The following ZNF469 variants were observed in gnomAD, a reference collection of about 807,000 sequenced individuals.
ZNF469 encodes the protein zinc finger protein 469.
In ZNF469, 1 loss-of-function variant was observed where a neutral mutation model predicts 1.0. The ratio of observed to expected loss-of-function variants is 1.00; its 90% confidence interval spans 0.35 to 4.73. The LOEUF (loss-of-function observed/expected upper bound fraction) is 4.73. Ranked by LOEUF, ZNF469 falls within the 30% of genes most tolerant of loss-of-function variation. The pLI, the probability that ZNF469 is intolerant of heterozygous loss-of-function variation, is 0.16. For missense variants in ZNF469, 6,100 were observed against 5,356.3 expected (o/e 1.14, Z -4.33); for synonymous variants, 2,703 against 2,363.4 (o/e 1.14, Z -4.17).
chr16:88,311,281 G>C, the ZNF469 span, among the ~76,000 whole-genome samples: 1 of 152,172 alleles, frequency 6.6e-6, no homozygotes, highest in African/African-American at 2.4e-5. Context: ...CCTGGCTGAG[G>C]CCTCACTCTT....
In ZNF469 at chr16:88,436,683, C is replaced by T. The variant is rs267604675; in HGVS notation, c.9213C>T (p.Pro3071=). Residue 3071 remains proline, a synonymous_variant, in exon 3 of 3, where the codon CCC becomes CCT. Coordinates refer to ENST00000565624, the MANE Select transcript of ZNF469 (RefSeq NM_001367624.2). ...CCTTTGAAGACCCCGTGGGTCTCCC[C>T]GGCCCCAGCTTCTTAGACTTCGAGG... ...LGPFEDPVGL[P]GPSFLDFEGT... 31 of 1,550,098 alleles carry T rather than the reference C, an allele frequency of 2.0e-5. No individual in the cohort carries two copies. The highest frequency in any genetic ancestry group is 9.6e-5 in the African/African-American group (7 of 73,064).
At chr16:88,387,625 A>G (rs1417736909) in intron 1 of ZNF469, among the ~76,000 whole-genome samples, 3 of 152,102 alleles carry the variant, frequency 2.0e-5, no homozygotes, top group Admixed American at 2.0e-4. Flanking sequence ...TGAGAATCAC[A>G]CTGTTGCTGA....
chr16:88,291,920 G>T, the ZNF469 span, among the ~76,000 whole-genome samples: 4 of 152,286 alleles, frequency 2.6e-5, no homozygotes, highest in African/African-American at 9.6e-5. Flanking sequence ...TTCTAAGAAG[G>T]CAGGGCCTCT....
chr16:88,264,144 G>A, the ZNF469 span, among the ~76,000 whole-genome samples: 6 of 152,114 alleles, frequency 3.9e-5, no homozygotes, highest in African/African-American at 1.4e-4. Context: ...GCATGTGGCA[G>A]GCCTCAGGGA....
In ZNF469 at chr16:88,434,299, G is replaced by A. The variant is rs760816769; in HGVS notation, c.6829G>A (p.Val2277Ile). The A allele has an allele frequency of 1.7e-4, 268 of 1,550,358 alleles. No homozygotes were observed. The African/African-American group carries it at 2.1e-3, about 12-fold the overall frequency. Residue 2277 changes from valine (V) to isoleucine (I), a missense_variant, in exon 3 of 3, where the codon GTC (valine) becomes ATC (isoleucine). Transcript: ENST00000565624. ...CACCTCTCCTCCTCTGGCAGGGGCC[G>A]TCTCCCCCAGCGTGGCCGTCAGGGC... ...RATSPPLAGA[V>I]SPSVAVRATG...
chr16:88,422,862 T>C (rs1000501469), intron 1 of ZNF469, among the ~76,000 whole-genome samples: 10 of 116,364 alleles, frequency 8.6e-5, no homozygotes, highest in African/African-American at 3.5e-4. Flanking sequence ...TGGATGATGA[T>C]GATGGATGAG....
In ZNF469 at chr16:88,428,164, G is replaced by C. The variant is rs1323074402; in HGVS notation, c.694G>C (p.Ala232Pro). The stretch of plus-strand genomic sequence containing the variant: ...CTATCCCGAATACCAGGCCAGTGGG[G>C]CCGACTCCTGGCCTCCCGCTGCTGA... The part of the protein sequence containing the change: ...GSYPEYQASG[A>P]DSWPPAAENS... Residue 232 changes from alanine (A) to proline (P), a missense_variant, in exon 3 of 3, where the codon GCC (alanine) becomes CCC (proline). Ala to Pro is a conservative substitution (Grantham distance 27). Transcript: ENST00000565624. 6.5e-7 allele frequency: 1 copy of C among 1,550,208 alleles called. No homozygotes were observed. Among genetic ancestry groups the C allele is most frequent in the Admixed American group, 2.0e-5 (1 of 51,008 alleles).
At chr16:88,346,842 G>A in the ZNF469 span, among the ~76,000 whole-genome samples, 2 of 152,238 alleles carry the variant, frequency 1.3e-5, no homozygotes, top group African/African-American at 4.8e-5. Flanking sequence ...TGGACTTTCA[G>A]GTTCCCATTG....
chr16:88,406,419 C>G (rs1219046789), intron 1 of ZNF469, among the ~76,000 whole-genome samples: 5 of 152,250 alleles, frequency 3.3e-5, no homozygotes, highest in Non-Finnish European at 7.3e-5. Flanking sequence ...CCCCCGCTGC[C>G]CGCTGTGGCC....
chr16:88,420,625 A>C (rs1425388178), intron 1 of ZNF469, among the ~76,000 whole-genome samples: 3 of 152,172 alleles, frequency 2.0e-5, no homozygotes, highest in Non-Finnish European at 4.4e-5. Context: ...ACGCCCGAGG[A>C]GTTCACACCA....
At chr16:88,355,159 C>G in the ZNF469 span, among the ~76,000 whole-genome samples, 5 of 152,174 alleles carry the variant, frequency 3.3e-5, no homozygotes, top group Non-Finnish European at 7.4e-5. Context: ...GCTCCGCCAG[C>G]CTCGGCCTCT....
the ZNF469 span, among the ~76,000 whole-genome samples, chr16:88,238,148 C>T: frequency 3.3e-5 from 5 of 152,272 alleles, no homozygotes; most frequent in South Asian, 2.1e-4. Context: ...TGCTCCGCCC[C>T]TCCCAACTGG....
At chr16:88,155,972 T>C in the ZNF469 span, among the ~76,000 whole-genome samples, 3 of 152,210 alleles carry the variant, frequency 2.0e-5, no homozygotes, top group South Asian at 2.1e-4. Flanking sequence ...TCTCGCATGA[T>C]TGTGACTTGT....
At chr16:88,265,001 C>T in the ZNF469 span, among the ~76,000 whole-genome samples, 7 of 152,092 alleles carry the variant, frequency 4.6e-5, no homozygotes, top group South Asian at 1.2e-3. Context: ...CCATTTTCTT[C>T]GAGGATTTCC....
At chr16:88,226,389 C>A in the ZNF469 span, among the ~76,000 whole-genome samples, 1 of 152,056 alleles carries the variant, frequency 6.6e-6, no homozygotes, top group African/African-American at 2.4e-5. Flanking sequence ...CAGAGGCTGG[C>A]GTGGTGCAGC....
chr16:88,431,101 A>G lies in ZNF469; in HGVS notation c.3631A>G (p.Thr1211Ala). Reference sequence around the variant, plus strand: ...CCTGCAGGTCCCCACCAACACCGAGACCTCAGAGGAAACCCGCCCGTCGCT... The same window carrying G: ...CCTGCAGGTCCCCACCAACACCGAGGCCTCAGAGGAAACCCGCCCGTCGCT... Reference protein sequence around the residue: ...DPLQVPTNTETSEETRPSLDF... With the variant: ...DPLQVPTNTEASEETRPSLDF... Residue 1211 changes from threonine (T) to alanine (A), a missense_variant, in exon 3 of 3, where the codon ACC becomes GCC. Physicochemically the swap from Thr to Ala is moderately conservative, Grantham distance 58. Coordinates refer to ENST00000565624, the MANE Select transcript of ZNF469 (RefSeq NM_001367624.2). 1 of 1,550,076 alleles carries G rather than the reference A, an allele frequency of 6.5e-7. No individual in the cohort carries two copies. Among genetic ancestry groups the G allele is most frequent in the East Asian group, 2.4e-5 (1 of 40,898 alleles).
At chr16:88,115,792 T>C in the ZNF469 span, among the ~76,000 whole-genome samples, 150,383 of 152,130 alleles carry the variant, frequency 0.99, 74,346 homozygotes, top group Middle Eastern at 1. Context: ...TCCTTCTAGC[T>C]GTATTCCTTC....
chr16:88,417,121 C>A (rs1241795182), intron 1 of ZNF469, among the ~76,000 whole-genome samples: 1 of 152,208 alleles, frequency 6.6e-6, no homozygotes, highest in Non-Finnish European at 1.5e-5. Flanking sequence ...TGTTTGTCTG[C>A]TGGGCCTCCC....
At chr16:88,124,074 A>G in the ZNF469 span, among the ~76,000 whole-genome samples, 1 of 152,212 alleles carries the variant, frequency 6.6e-6, no homozygotes, top group African/African-American at 2.4e-5. Context: ...AAGTGCTGGG[A>G]TCACAGGCAT....
Sources: gnomAD v4.1 joint callset for allele counts (sites outside exome capture counted in the v4.1 genomes callset) on GRCh38, gnomAD v4.1.1 for gene constraint, MANE v1.5 for transcripts, NCBI Gene and HGNC (gene_info 2026-07-23, HGNC 2026-07-21) for gene names.